The following TARP variants were observed in gnomAD, a reference collection of about 807,000 sequenced individuals.
chr7:38,272,728 A>T, the TARP span, among the ~76,000 whole-genome samples: 4 of 150,544 alleles, frequency 2.7e-5, no homozygotes, highest in Non-Finnish European at 4.4e-5. Context: ...TGCTAGCTCC[A>T]GGAGTCGAGA....
the TARP span, among the ~76,000 whole-genome samples, chr7:38,267,049 G>T: frequency 6.6e-6 from 1 of 151,488 alleles, no homozygotes; most frequent in Admixed American, 6.6e-5. Context: ...TTTTTATACT[G>T]GGTTTTATAT....
At chr7:38,259,777 A>G in the TARP span, 457 of 281,138 alleles carry the variant, frequency 1.6e-3, 1 homozygote, top group Non-Finnish European at 2.6e-3. Context: ...GAACACTAAG[A>G]GAGGGACAAG....
the TARP span, among the ~76,000 whole-genome samples, chr7:38,268,754 G>A: frequency 5.9e-5 from 9 of 151,714 alleles, no homozygotes; most frequent in South Asian, 6.2e-4. Context: ...CAATTTTTGC[G>A]TGTGTGAGCT....
At chr7:38,262,049 T>C in the TARP span, 1 of 822,032 alleles carries the variant, frequency 1.2e-6, no homozygotes, top group Non-Finnish European at 2.0e-6. Context: ...GAGGGACTAA[T>C]TTAAAATATC....
At chr7:38,266,557 C>T in the TARP span, among the ~76,000 whole-genome samples, 3 of 151,896 alleles carry the variant, frequency 2.0e-5, no homozygotes, top group Non-Finnish European at 4.4e-5. Context: ...CTGCCTCAGC[C>T]TCCCAAATCC....
chr7:38,262,068 C>A, the TARP span: 1 of 928,718 alleles, frequency 1.1e-6, no homozygotes, highest in Non-Finnish European at 1.8e-6. Flanking sequence ...TCACTAGGTC[C>A]ATTCTGCAGC....
chr7:38,261,632 C>A, the TARP span, among the ~76,000 whole-genome samples: 3 of 151,360 alleles, frequency 2.0e-5, no homozygotes, highest in South Asian at 6.3e-4. Context: ...CCCAACAGTT[C>A]GGGAGGGCGA....
the TARP span, among the ~76,000 whole-genome samples, chr7:38,264,923 G>A: frequency 6.6e-6 from 1 of 151,616 alleles, no homozygotes; most frequent in Non-Finnish European, 1.5e-5. Flanking sequence ...CAAGATTGAG[G>A]TGAGTGACTC....
chr7:38,268,408 CTATT>C, the TARP span, among the ~76,000 whole-genome samples: 1 of 151,264 alleles, frequency 6.6e-6, no homozygotes, highest in Non-Finnish European at 1.5e-5. Context: ...TAAGTGTTCT[CTATT>C]TCTTATTTTT....
At chr7:38,263,573 A>G in the TARP span, among the ~76,000 whole-genome samples, 1 of 151,758 alleles carries the variant, frequency 6.6e-6, no homozygotes, top group African/African-American at 2.4e-5. Flanking sequence ...GACTAGAAAG[A>G]CAGAGGCCAA....
the TARP span, among the ~76,000 whole-genome samples, chr7:38,270,554 G>A: frequency 1.3e-5 from 2 of 151,534 alleles, no homozygotes; most frequent in African/African-American, 4.9e-5. Context: ...TGCCTTCCAA[G>A]TTTCACCAGA....
chr7:38,273,168 T>G, the TARP span, among the ~76,000 whole-genome samples: 3 of 151,472 alleles, frequency 2.0e-5, no homozygotes, highest in Non-Finnish European at 4.4e-5. Context: ...ATTTTAACAT[T>G]TGATATTAAC....
At chr7:38,259,926 T>G in the TARP span, 2 of 657,646 alleles carry the variant, frequency 3.0e-6, no homozygotes, top group South Asian at 4.1e-5. Flanking sequence ...GTTCTCTGTG[T>G]GCCCACTGGT....
the TARP span, among the ~76,000 whole-genome samples, chr7:38,270,240 A>C: frequency 6.6e-6 from 1 of 152,008 alleles, no homozygotes; most frequent in African/African-American, 2.4e-5. Context: ...TTACTAAAAA[A>C]AATTCAGCAT....
the TARP span, among the ~76,000 whole-genome samples, chr7:38,273,216 G>T: frequency 7.1e-6 from 1 of 141,288 alleles, no homozygotes; most frequent in African/African-American, 2.7e-5. Flanking sequence ...TCATCTTTTG[G>T]TGACCAAATA....
At chr7:38,265,965 T>G in the TARP span, among the ~76,000 whole-genome samples, 1 of 151,774 alleles carries the variant, frequency 6.6e-6, no homozygotes, top group East Asian at 1.9e-4. Flanking sequence ...CATGCTGTGA[T>G]GAGTGTGATT....
At chr7:38,268,779 TC>T in the TARP span, among the ~76,000 whole-genome samples, 63 of 151,808 alleles carry the variant, frequency 4.1e-4, no homozygotes, top group African/African-American at 1.5e-3. Context: ...TTGATAACCT[TC>T]CATTTGAGCA....
At chr7:38,273,086 A>C in the TARP span, among the ~76,000 whole-genome samples, 1 of 150,986 alleles carries the variant, frequency 6.6e-6, no homozygotes, top group Admixed American at 6.6e-5. Flanking sequence ...ATAATAAACA[A>C]ACTCATTGGA....
chr7:38,272,042 C>G, the TARP span, among the ~76,000 whole-genome samples: 2 of 151,026 alleles, frequency 1.3e-5, no homozygotes, highest in Admixed American at 6.6e-5. Context: ...TGAAAAATCA[C>G]CTTGTATTCA....
Sources: allele counts gnomAD v4.1 joint callset (sites outside exome capture counted in the v4.1 genomes callset), GRCh38; gene constraint gnomAD v4.1.1; transcripts MANE v1.5.